UROS: variants seen among roughly 807,000 people sequenced by gnomAD.
UROS encodes the protein uroporphyrinogen III synthase, also known as uroporphyrinogen-III synthase.
A neutral mutation model predicts 33.0 loss-of-function variants in UROS; 18 were observed. The observed-to-expected ratio is 0.55, with a 90% CI of 0.38 to 0.81. The LOEUF is 0.81. Ranked by LOEUF, UROS falls within the 30% of genes least tolerant of loss-of-function variation. The probability of loss-of-function intolerance (pLI) is 0.00; values close to 1 mark genes in which losing one functional copy is unlikely to be tolerated. For missense variants in UROS, 293 were observed against 314.9 expected (o/e 0.93, Z 0.53); for synonymous variants, 114 against 121.1 (o/e 0.94, Z 0.38).
At chr10:125,802,761 G>A in intron 6 of UROS, 1 of 1,423,888 alleles carries the variant, frequency 7.0e-7, no homozygotes, top group South Asian at 1.5e-5. Flanking sequence ...GGGAGGGTAG[G>A]TCTGAGATGG....
intron 1 of UROS, among the ~76,000 whole-genome samples, chr10:125,817,727 G>T (rs1053327210): frequency 2.0e-5 from 3 of 152,134 alleles, no homozygotes; most frequent in African/African-American, 7.2e-5. Flanking sequence ...GGTGTACAGA[G>T]GATGACACTC....
chr10:125,813,669 G>A (rs1197133861), intron 4 of UROS, among the ~76,000 whole-genome samples: 1 of 152,184 alleles, frequency 6.6e-6, no homozygotes, highest in Admixed American at 6.5e-5. Context: ...GGTAGAGATG[G>A]GGTTTCACCA....
At chr10:125,790,927 A>G (rs1017806377) in intron 9 of UROS, among the ~76,000 whole-genome samples, 17 of 151,622 alleles carry the variant, frequency 1.1e-4, no homozygotes, top group African/African-American at 3.9e-4. Flanking sequence ...CCCCATCTCT[A>G]CTAAAAATAC....
At chr10:125,819,354 C>T (rs1853646695) in intron 1 of UROS, among the ~76,000 whole-genome samples, 1 of 152,144 alleles carries the variant, frequency 6.6e-6, no homozygotes, top group African/African-American at 2.4e-5. Flanking sequence ...CTTATGCCCC[C>T]AGTTGAATTT....
chr10:125,815,951 C>T (rs918128384), intron 3 of UROS, among the ~76,000 whole-genome samples: 1 of 152,178 alleles, frequency 6.6e-6, no homozygotes, highest in Non-Finnish European at 1.5e-5. Flanking sequence ...ATGACCTGCT[C>T]TCCTGGGCCC....
At chr10:125,798,604 C>T (rs1368419605) in intron 6 of UROS, among the ~76,000 whole-genome samples, 1 of 152,216 alleles carries the variant, frequency 6.6e-6, no homozygotes, top group African/African-American at 2.4e-5. Flanking sequence ...CGGTAACCGG[C>T]AGCCAGGAGT....
At chr10:125,814,281 G>T (rs73379298) in intron 4 of UROS, among the ~76,000 whole-genome samples, 1,671 of 152,240 alleles carry the variant, frequency 0.011, 30 homozygotes, top group African/African-American at 0.037. Flanking sequence ...TCACTCCAAA[G>T]CCCTTGCATA....
intron 9 of UROS, chr10:125,789,243 G>A: frequency 7.0e-7 from 1 of 1,429,264 alleles, no homozygotes; most frequent in South Asian, 1.4e-5. Flanking sequence ...CCAGGCTCAG[G>A]TGAGGGGCAG....
At chr10:125,785,852 G>C (rs1850619555), downstream of UROS, 1 of 152,222 alleles carries the variant, frequency 6.6e-6, no homozygotes, top group Non-Finnish European at 1.5e-5. Flanking sequence ...GGAGGGGAAG[G>C]CACGTGAGAG....
At position 125,806,665 on chromosome 10, in the gene UROS, A is replaced by C. The variant is rs145464520; in HGVS notation, c.394+748T>G. Among the ~76,000 whole-genome samples, 31 of 152,334 alleles carry C rather than the reference A, an allele frequency of 2.0e-4. No individual in the cohort carries two copies. The East Asian group carries it at 5.0e-3, about 25-fold the overall frequency. On this transcript the variant is annotated intron_variant, in intron 6 of 9. Transcript: ENST00000368797. ...AAGCCTGGATTTCCTCCTCTTCAGCAATCTAAGATAAGATAGTTCTACTTC... is the reference window on the plus strand; with the variant it reads ...AAGCCTGGATTTCCTCCTCTTCAGCCATCTAAGATAAGATAGTTCTACTTC...
At chr10:125,815,763 C>T in intron 3 of UROS, among the ~76,000 whole-genome samples, 1 of 152,236 alleles carries the variant, frequency 6.6e-6, no homozygotes, top group South Asian at 2.1e-4. Context: ...AGCCCTGTCT[C>T]TTACTTGCTA....
Position 125,816,463 on chromosome 10 carries a change from C to CCAGG in UROS, c.36_37insCCTG (p.Asp13ProfsTer18), listed in dbSNP as rs2133949528. ...CTGATATACGGATCCTGGCCACAGT[C>CCAGG]ATCTTCCTTCGCATCCTTCAGTAAA... is the stretch of plus-strand genomic sequence containing the variant. On this transcript the variant is annotated frameshift_variant, in exon 2 of 10. Transcript: ENST00000368797. LOFTEE classifies it high-confidence loss of function. 1 of 1,614,210 alleles carries CCAGG rather than the reference C, an allele frequency of 6.2e-7. No homozygotes were observed. Among genetic ancestry groups the CCAGG allele is most frequent in the East Asian group, 2.2e-5 (1 of 44,884 alleles).
intron 6 of UROS, among the ~76,000 whole-genome samples, chr10:125,805,092 C>T (rs1304274615): frequency 2.0e-5 from 3 of 152,196 alleles, no homozygotes; most frequent in Non-Finnish European, 4.4e-5. Context: ...ATGTCCGAGC[C>T]GATGAACGCA....
chr10:125,822,865 A>C (rs1854114066), intron 1 of UROS, among the ~76,000 whole-genome samples, 164 bp downstream of exon 1: 1 of 152,170 alleles, frequency 6.6e-6, no homozygotes, highest in Non-Finnish European at 1.5e-5. Flanking sequence ...GCCTTCCGTC[A>C]CCGGCGCAGC....
At chr10:125,796,444 T>A (rs1229967857) in intron 7 of UROS, among the ~76,000 whole-genome samples, 1 of 152,168 alleles carries the variant, frequency 6.6e-6, no homozygotes, top group Non-Finnish European at 1.5e-5. Flanking sequence ...AACCAAAGCC[T>A]TCATTTGTAC....
At chr10:125,821,489 T>C (rs534708159) in intron 1 of UROS, among the ~76,000 whole-genome samples, 1 of 152,374 alleles carries the variant, frequency 6.6e-6, no homozygotes, top group African/African-American at 2.4e-5. Context: ...GGGAGTTGTT[T>C]AACTACAGTT....
chr10:125,818,430 T>C (rs1853550850), intron 1 of UROS, among the ~76,000 whole-genome samples: 1 of 152,072 alleles, frequency 6.6e-6, no homozygotes, highest in Non-Finnish European at 1.5e-5. Context: ...GAGTTCAAGG[T>C]TGCTGTGGGC....
intron 6 of UROS, chr10:125,802,356 C>G: frequency 1.0e-6 from 1 of 985,868 alleles, no homozygotes; most frequent in Non-Finnish European, 1.2e-6. Context: ...TATTTCAACA[C>G]CTGGCTGAAT....
At chr10:125,813,613 G>T (rs1372658096) in intron 4 of UROS, among the ~76,000 whole-genome samples, 1 of 152,166 alleles carries the variant, frequency 6.6e-6, no homozygotes, top group East Asian at 1.9e-4. Context: ...GAGTAGCTGG[G>T]ACTCCAGGCA....
Sources: gnomAD v4.1 joint callset for allele counts (sites outside exome capture counted in the v4.1 genomes callset) on GRCh38, gnomAD v4.1.1 for gene constraint, MANE v1.5 for transcripts, NCBI Gene and HGNC (gene_info 2026-07-23, HGNC 2026-07-21) for gene names.